HERC2: variants seen among roughly 807,000 people sequenced by gnomAD.
HERC2 encodes the protein E3 ubiquitin-protein ligase HERC2.
Under a neutral mutation model 537.7 loss-of-function variants are expected in HERC2, and 102 were observed. That is an observed-to-expected ratio of 0.19 (90% confidence interval 0.16 to 0.22). The LOEUF is 0.22. Ranked by LOEUF, HERC2 falls within the 10% of genes least tolerant of loss-of-function variation. The pLI, the probability that HERC2 is intolerant of heterozygous loss-of-function variation, is 1.00. For synonymous variants in HERC2, 2,224 were observed against 2,466.2 expected, an observed-to-expected ratio of 0.90 and a Z score of 2.91; for missense variants, 4,236 against 6,198.2, an observed-to-expected ratio of 0.68 and a Z score of 10.63.
At chr15:28,251,620 GTGAAAC>G (rs1267446842) in intron 20 of HERC2, among the ~76,000 whole-genome samples, 2 of 152,126 alleles carry the variant, frequency 1.3e-5, no homozygotes, top group Admixed American at 6.6e-5. Context: ...GGCCAACATG[GTGAAAC>G]CCTGTCTCTA....
intron 14 of HERC2, among the ~76,000 whole-genome samples, chr15:28,263,834 C>T (rs2140942870): frequency 6.6e-6 from 1 of 151,974 alleles, no homozygotes; most frequent in South Asian, 2.1e-4. Flanking sequence ...GAGTTCGAGA[C>T]CAGCCTGGGC....
At chr15:28,291,629 A>C (rs1596404723) in intron 4 of HERC2, among the ~76,000 whole-genome samples, 1 of 152,082 alleles carries the variant, frequency 6.6e-6, no homozygotes, top group African/African-American at 2.4e-5. Flanking sequence ...GAATTACACA[A>C]AAAAAAGTAA....
chr15:28,226,864 G>C (rs1178963787), intron 35 of HERC2, among the ~76,000 whole-genome samples: 7 of 152,232 alleles, frequency 4.6e-5, no homozygotes, highest in Non-Finnish European at 7.3e-5. Flanking sequence ...TGAAGGTCTA[G>C]TATACACGAA....
At chr15:28,286,372 A>G (rs543224743) in intron 4 of HERC2, among the ~76,000 whole-genome samples, 32 of 152,292 alleles carry the variant, frequency 2.1e-4, no homozygotes, top group African/African-American at 7.7e-4. Flanking sequence ...ACAGCGAATT[A>G]TTAGCAAGTA....
chr15:28,313,198 T>TTC (rs1381588123), intron 2 of HERC2, among the ~76,000 whole-genome samples: 1 of 132,796 alleles, frequency 7.5e-6, no homozygotes, highest in Non-Finnish European at 1.7e-5. Flanking sequence ...AGGCATTTTT[T>TTC]TTTTTTTTTT....
At chr15:28,126,970 G>A (rs1426740301) in intron 83 of HERC2, among the ~76,000 whole-genome samples, 1 of 152,208 alleles carries the variant, frequency 6.6e-6, no homozygotes, top group African/African-American at 2.4e-5. Context: ...TCAGTGCACC[G>A]TGTGGGACCT....
intron 38 of HERC2, 115 bp downstream of exon 38, chr15:28,218,374 C>T (rs1900154694): frequency 4.6e-6 from 4 of 862,722 alleles, no homozygotes; most frequent in African/African-American, 3.5e-5. Flanking sequence ...TACTTTGTTA[C>T]AGCAGCCACA....
intron 6 of HERC2, 127 bp from the exon 7 acceptor site, chr15:28,274,574 A>G: frequency 1.1e-6 from 1 of 939,482 alleles, no homozygotes; most frequent in Non-Finnish European, 1.6e-6. Context: ...GCCAAAATCT[A>G]GCGCAGCTGC....
chr15:28,189,630 G>A (rs1896642196), intron 55 of HERC2, among the ~76,000 whole-genome samples: 1 of 152,094 alleles, frequency 6.6e-6, no homozygotes, highest in African/African-American at 2.4e-5. Flanking sequence ...TACTGTGAAT[G>A]TACTACGTAT....
chr15:28,274,717 T>G lies in HERC2; in HGVS notation c.643+188A>C, dbSNP rs746382849. Among the ~76,000 whole-genome samples, 104 of 152,312 alleles carry G rather than the reference T, an allele frequency of 6.8e-4. 1 individual carries two copies. Among genetic ancestry groups the G allele is most frequent in the Non-Finnish European group, 1.1e-3 (74 of 68,038 alleles). ...GGGTGGGGGTGCATACACTCTCTTT[T>G]TTTTCTTTAAAGCACAGATGTGAAA... On this transcript the variant is annotated intron_variant, in intron 6 of 92. Transcript: ENST00000261609.
At chr15:28,117,358 C>A in intron 86 of HERC2, 1 of 705,520 alleles carries the variant, frequency 1.4e-6, no homozygotes, top group Non-Finnish European at 2.6e-6. Flanking sequence ...TGCCTCACCC[C>A]ATTGGGCATG....
chr15:28,288,535 C>CAAA (rs1216166029), intron 4 of HERC2, among the ~76,000 whole-genome samples: 2 of 82,434 alleles, frequency 2.4e-5, no homozygotes, highest in East Asian at 3.4e-4. Flanking sequence ...AACTCCGACT[C>CAAA]AAAAAAAAAA....
chr15:28,279,064 T>C (rs2075954885), intron 5 of HERC2, among the ~76,000 whole-genome samples: 1 of 152,186 alleles, frequency 6.6e-6, no homozygotes, highest in Admixed American at 6.5e-5. Flanking sequence ...CAATCTCCGC[T>C]CACCGCAACC....
At chr15:28,164,336 C>G (rs193244818) in intron 68 of HERC2, among the ~76,000 whole-genome samples, 1 of 152,200 alleles carries the variant, frequency 6.6e-6, no homozygotes, top group African/African-American at 2.4e-5. Flanking sequence ...GGAAACCACA[C>G]CACTCTGATT....
chr15:28,129,869 C>A (rs1889921825), intron 83 of HERC2, among the ~76,000 whole-genome samples: 1 of 151,934 alleles, frequency 6.6e-6, no homozygotes. Flanking sequence ...CTCCACCTCC[C>A]GGGTTCAAGT....
chr15:28,318,126 G>A (rs1308231279), intron 2 of HERC2, among the ~76,000 whole-genome samples: 1 of 152,074 alleles, frequency 6.6e-6, no homozygotes, highest in African/African-American at 2.4e-5. Context: ...AAGCTTTTAA[G>A]GTATCATATA....
chr15:28,209,644 A>C (rs190853221), intron 44 of HERC2, among the ~76,000 whole-genome samples: 6 of 152,268 alleles, frequency 3.9e-5, no homozygotes, highest in Admixed American at 3.9e-4. Context: ...CGCCAGGCCT[A>C]TATATCATTT....
chr15:28,228,131 A>T, intron 35 of HERC2, 87 bp downstream of exon 35: 6 of 1,022,578 alleles, frequency 5.9e-6, no homozygotes, highest in Non-Finnish European at 8.2e-6. Flanking sequence ...AAAAGCTTTA[A>T]AAAAAAAAAA....
chr15:28,140,405 G>A (rs528374043), intron 78 of HERC2, among the ~76,000 whole-genome samples: 40 of 152,200 alleles, frequency 2.6e-4, no homozygotes, highest in African/African-American at 7.9e-4. Context: ...TAGAGACTAC[G>A]GCACTCTATA....
Sources: allele counts gnomAD v4.1 joint callset (sites outside exome capture counted in the v4.1 genomes callset), GRCh38; gene constraint gnomAD v4.1.1; transcripts MANE v1.5; gene names NCBI Gene and HGNC (gene_info 2026-07-23, HGNC 2026-07-21).